Variants in C7 observed in about 807,000 individuals in gnomAD.
The protein encoded by C7 is complement component C7.
Under a neutral mutation model 104.8 loss-of-function variants are expected in C7, and 83 were observed. The ratio of observed to expected loss-of-function variants is 0.79; its 90% confidence interval spans 0.66 to 0.95. C7 has a LOEUF of 0.95. Ranked by LOEUF, C7 falls within the 40% of genes least tolerant of loss-of-function variation. The pLI is 0.00. For synonymous variants in C7, 415 were observed against 360.6 expected (o/e 1.15, Z -1.71); for missense variants, 1,070 against 1,011.2 (o/e 1.06, Z -0.79).
chr5:40,970,426 T>C (rs904255592), intron 14 of C7, among the ~76,000 whole-genome samples: 1 of 152,112 alleles, frequency 6.6e-6, no homozygotes, highest in African/African-American at 2.4e-5. Context: ...AGCTAATGAA[T>C]GTAATTGAGT....
At chr5:40,975,055 GC>G (rs1461563392) in intron 15 of C7, among the ~76,000 whole-genome samples, 2 of 152,218 alleles carry the variant, frequency 1.3e-5, no homozygotes, top group East Asian at 3.9e-4. Flanking sequence ...GGACAAAACT[GC>G]CCCTGGTTGA....
intron 14 of C7, among the ~76,000 whole-genome samples, chr5:40,971,260 T>A (rs1339891093): frequency 1.3e-5 from 2 of 152,224 alleles, no homozygotes; most frequent in African/African-American, 4.8e-5. Flanking sequence ...CTTTCCAGAC[T>A]TTTTAATGAT....
intron 12 of C7, 57 bp downstream of exon 12, chr5:40,959,677 G>T: frequency 7.7e-7 from 1 of 1,292,122 alleles, no homozygotes; most frequent in Non-Finnish European, 1.0e-6. Flanking sequence ...TCTGCAGTTA[G>T]CATGGAACAC....
At chr5:40,911,191 A>G (rs185197970) in intron 1 of C7, 1 of 152,344 alleles carries the variant, frequency 6.6e-6, no homozygotes, top group African/African-American at 2.4e-5. Flanking sequence ...GTGGACATTC[A>G]TATTTTTACA....
intron 16 of C7, among the ~76,000 whole-genome samples, chr5:40,977,571 G>T (rs1326538234): frequency 6.6e-6 from 1 of 152,156 alleles, no homozygotes; most frequent in African/African-American, 2.4e-5. Flanking sequence ...CTGAGGAGGA[G>T]CTGACACTCT....
chr5:40,911,243 G>A (rs562000085), intron 1 of C7: 1 of 152,304 alleles, frequency 6.6e-6, no homozygotes, highest in African/African-American at 2.4e-5. Context: ...TGACAAAGAA[G>A]GGACACTTGT....
intron 8 of C7, among the ~76,000 whole-genome samples, chr5:40,948,531 C>T (rs1740098383): frequency 6.6e-6 from 1 of 152,072 alleles, no homozygotes; most frequent in South Asian, 2.1e-4. Context: ...ATTCCTTATG[C>T]TATGTCACTG....
chr5:40,983,582 C>T lies in C7; in HGVS notation c.*2009C>T, dbSNP rs1210267888. ...TTTTTTCCTCCTTTTCTTTTCTGAA[C>T]ATTCTTGTGCTGACCTTTCCTCTAG... On this transcript the variant is annotated 3_prime_UTR_variant, in exon 18 of 18. Coordinates refer to ENST00000313164, the MANE Select transcript of C7 (RefSeq NM_000587.4). Among the ~76,000 whole-genome samples, 1 of 152,108 alleles carries T rather than the reference C, an allele frequency of 6.6e-6. No homozygotes were observed. Among genetic ancestry groups the T allele is most frequent in the East Asian group, 1.9e-4 (1 of 5,176 alleles).
intron 6 of C7, among the ~76,000 whole-genome samples, chr5:40,939,064 C>T (rs1344003442): frequency 6.6e-6 from 1 of 152,144 alleles, no homozygotes; most frequent in Non-Finnish European, 1.5e-5. Flanking sequence ...ATGTCTAATT[C>T]AGCTTTTAAT....
In C7 at chr5:40,920,536, T is replaced by TAA. The variant is rs555616278; in HGVS notation, c.7-8027_7-8026dup. 1.7e-3 allele frequency among the ~76,000 whole-genome samples: 208 copies of TAA among 121,706 alleles called. 1 individual carries two copies. In the South Asian group the frequency reaches 0.021, roughly 12 times the overall value. 79.8% of individuals were successfully genotyped at this position (121,706 alleles called of 152,430 possible). A position where few individuals can be genotyped will look rare whatever the true frequency, so the allele number is the denominator to read the frequency against. On this transcript the variant is annotated intron_variant, in intron 1 of 17. Coordinates refer to ENST00000313164, the MANE Select transcript of C7 (RefSeq NM_000587.4). ...GAATCTGTAATAAAAGTTCTCCCAT[T>TAA]AAAAAAAAAAAAAAAAAAGCAGAGG...
chr5:40,968,412 C>A (rs1171831846), intron 14 of C7, among the ~76,000 whole-genome samples: 1 of 151,708 alleles, frequency 6.6e-6, no homozygotes, highest in Non-Finnish European at 1.5e-5. Flanking sequence ...AGGCATGAGC[C>A]ACCGCACCTG....
intron 4 of C7, among the ~76,000 whole-genome samples, chr5:40,935,555 G>C (rs1212179236): frequency 2.0e-5 from 3 of 152,192 alleles, no homozygotes; most frequent in Non-Finnish European, 4.4e-5. Flanking sequence ...GGACAAGTAA[G>C]AGATAGGTAG....
intron 9 of C7, among the ~76,000 whole-genome samples, chr5:40,953,346 A>G (rs944882429): frequency 1.3e-5 from 2 of 152,112 alleles, no homozygotes; most frequent in Non-Finnish European, 2.9e-5. Context: ...GTAGTTAGGT[A>G]AAAGGAATAA....
Position 40,921,481 on chromosome 5 carries a change from A to T in C7, c.7-7099A>T, listed in dbSNP as rs549497928. Among the ~76,000 whole-genome samples, 13 of 152,098 alleles carry T rather than the reference A, an allele frequency of 8.5e-5. No homozygotes were observed. The South Asian group carries it at 2.7e-3, about 32-fold the overall frequency. On this transcript the variant is annotated intron_variant, in intron 1 of 17. Transcript: ENST00000313164. ...CTAAAAATTTATGAAACAGCAAAAG[A>T]CTCCAAGTAGCTAAAGAAATTCTGA... is the stretch of plus-strand genomic sequence containing the variant.
Position 40,983,933 on chromosome 5 carries a change from T to C in C7, c.*2360T>C, listed in dbSNP as rs576593891. On this transcript the variant is annotated 3_prime_UTR_variant, in exon 18 of 18. Coordinates refer to ENST00000313164, the MANE Select transcript of C7 (RefSeq NM_000587.4). ...AAAGCATTGCTGAGATTAGAGTCAT[T>C]TGGCCCTCAGAAGGAACAGACAAAG... is the stretch of plus-strand genomic sequence containing the variant. Among the ~76,000 whole-genome samples the C allele has an allele frequency of 6.6e-6, 1 of 152,154 alleles. No individual in the cohort carries two copies. Among genetic ancestry groups the C allele is most frequent in the East Asian group, 1.9e-4 (1 of 5,156 alleles).
intron 13 of C7, among the ~76,000 whole-genome samples, chr5:40,963,016 G>A (rs981489126): frequency 2.6e-5 from 4 of 152,100 alleles, no homozygotes; most frequent in Admixed American, 1.3e-4. Flanking sequence ...AATCAACCTA[G>A]CATCTCTACC....
intron 9 of C7, among the ~76,000 whole-genome samples, chr5:40,950,405 T>C (rs1033430524): frequency 6.6e-6 from 1 of 152,188 alleles, no homozygotes; most frequent in African/African-American, 2.4e-5. Flanking sequence ...TATGGCTCCA[T>C]AGTATTCTAT....
chr5:40,957,400 A>C (rs1291780812), intron 10 of C7, among the ~76,000 whole-genome samples: 1 of 152,196 alleles, frequency 6.6e-6, no homozygotes, highest in Non-Finnish European at 1.5e-5. Context: ...TTTAATTCTA[A>C]ATTTAATTTC....
chr5:40,972,502 G>T lies in C7; in HGVS notation c.1982G>T (p.Gly661Val), dbSNP rs1313401268. 33 of 1,613,650 alleles carry T rather than the reference G, an allele frequency of 2.0e-5. No individual in the cohort carries two copies. The highest frequency in any genetic ancestry group is 2.8e-5 in the Non-Finnish European group (33 of 1,179,792). The change falls in exon 15 of 18, where the codon GGT (glycine) becomes GTT (valine). Residue 661 changes from glycine (G) to valine (V), a missense_variant. By Grantham distance (109) the Gly-to-Val change is moderately radical. Coordinates refer to ENST00000313164, the MANE Select transcript of C7 (RefSeq NM_000587.4). ...VGEKVTVSCS[G>V]GMSLEGPSAF... is the part of the protein sequence containing the mutation. Reference sequence around the variant, plus strand: ...GAGAAGGTGACTGTTTCCTGTTCAGGTGGCATGTCCTTAGAAGGTCCTTCA... The same window carrying T: ...GAGAAGGTGACTGTTTCCTGTTCAGTTGGCATGTCCTTAGAAGGTCCTTCA...
Sources: allele counts gnomAD v4.1 joint callset (sites outside exome capture counted in the v4.1 genomes callset), GRCh38; gene constraint gnomAD v4.1.1; transcripts MANE v1.5; gene names NCBI Gene and HGNC (gene_info 2026-07-23, HGNC 2026-07-21).